Variants in IL21R observed in about 807,000 individuals in gnomAD.
The protein encoded by IL21R is interleukin 21 receptor, also known as interleukin-21 receptor.
A neutral mutation model predicts 41.3 loss-of-function variants in IL21R; 14 were observed. The observed-to-expected ratio is 0.34, with a 90% confidence interval of 0.22 to 0.53. The LOEUF (loss-of-function observed/expected upper bound fraction) is 0.53. Among genes scored for constraint, IL21R ranks in the 20% least tolerant of loss-of-function variants. IL21R has a pLI of 0.94. For missense variants in IL21R, 588 were observed against 681.6 expected (o/e 0.86, Z 1.53); for synonymous variants, 286 against 287.6 (o/e 0.99, Z 0.05).
chr16:27,418,577 A>G (rs12923847), intron 1 of IL21R, among the ~76,000 whole-genome samples: 13,582 of 151,994 alleles, frequency 0.089, 1,196 homozygotes, highest in African/African-American at 0.23. Context: ...TCACCATGTT[A>G]GCCAGGATAG....
chr16:27,418,640 G>A (rs1011804085), intron 1 of IL21R, among the ~76,000 whole-genome samples: 1 of 152,162 alleles, frequency 6.6e-6, no homozygotes, highest in Non-Finnish European at 1.5e-5. Context: ...AAAGTGCTGG[G>A]ATTACAGGCA....
chr16:27,419,890 CTTT>C (rs369538447), intron 1 of IL21R, among the ~76,000 whole-genome samples: 3 of 134,408 alleles, frequency 2.2e-5, no homozygotes, highest in African/African-American at 2.7e-5. Flanking sequence ...TATATGCTAT[CTTT>C]TTTTTTTTTT....
Position 27,449,082 on chromosome 16 carries a change from G to C in IL21R, c.1416G>C (p.Gly472=). 6.2e-7 allele frequency: 1 copy of C among 1,613,394 alleles called. No homozygotes were observed. Among genetic ancestry groups the C allele is most frequent in the South Asian group, 1.1e-5 (1 of 91,068 alleles). The stretch of plus-strand genomic sequence containing the variant: ...CCTGGGGTGGCCGGTCACCTGGAGG[G>C]GTCTCAGAGAGTGAGGCGGGCTCAC... ...GLPWGGRSPG[G]VSESEAGSPL... is the part of the protein sequence containing the mutation. Residue 472 remains glycine, a synonymous_variant, in exon 9 of 9, where the codon GGG becomes GGC. Coordinates refer to ENST00000337929, the MANE Select transcript of IL21R (RefSeq NM_181078.3).
At chr16:27,421,349 A>AG (rs1265831415) in intron 1 of IL21R, among the ~76,000 whole-genome samples, 1 of 151,408 alleles carries the variant, frequency 6.6e-6, no homozygotes, top group Non-Finnish European at 1.5e-5. Context: ...AAAAAAAAAA[A>AG]AAAAAAAAAG....
At chr16:27,427,021 C>T (rs1450896339) in intron 1 of IL21R, among the ~76,000 whole-genome samples, 1 of 152,114 alleles carries the variant, frequency 6.6e-6, no homozygotes, top group Non-Finnish European at 1.5e-5. Flanking sequence ...TTCAAGGAGG[C>T]TGTCTCTAAG....
chr16:27,426,685 T>G (rs1279926562), intron 1 of IL21R, among the ~76,000 whole-genome samples: 2 of 152,254 alleles, frequency 1.3e-5, no homozygotes, highest in Non-Finnish European at 2.9e-5. Flanking sequence ...TCACAGCCTC[T>G]TCTTCACTGC....
intron 1 of IL21R, among the ~76,000 whole-genome samples, chr16:27,406,324 A>G (rs179772): frequency 0.83 from 125,425 of 151,818 alleles, 52,560 homozygotes; most frequent in East Asian, 0.99. Context: ...AGGCTGAGAG[A>G]TTGCAAGGTT....
At chr16:27,406,009 G>A (rs1186193887) in intron 1 of IL21R, among the ~76,000 whole-genome samples, 1 of 152,274 alleles carries the variant, frequency 6.6e-6, no homozygotes, top group Non-Finnish European at 1.5e-5. Context: ...CCAGGCCCCT[G>A]CCATCCCCCA....
intron 2 of IL21R, among the ~76,000 whole-genome samples, chr16:27,431,424 G>A (rs192169873): frequency 6.6e-6 from 1 of 152,290 alleles, no homozygotes; most frequent in African/African-American, 2.4e-5. Context: ...TTTGGCTGAG[G>A]AGGCTCAGAG....
intron 2 of IL21R, 93 bp from the exon 3 acceptor site, chr16:27,434,254 C>T: frequency 1.2e-6 from 1 of 819,422 alleles, no homozygotes; most frequent in Non-Finnish European, 2.1e-6. Flanking sequence ...ACCCCTGCAC[C>T]CATTCTTCCT....
intron 1 of IL21R, among the ~76,000 whole-genome samples, chr16:27,413,486 C>G (rs77037785): frequency 0.044 from 6,635 of 151,546 alleles, 191 homozygotes; most frequent in South Asian, 0.11. Flanking sequence ...GTGTTCCCTA[C>G]TGTTCAATTT....
chr16:27,405,713 C>T (rs1834008378), intron 1 of IL21R, among the ~76,000 whole-genome samples: 1 of 152,090 alleles, frequency 6.6e-6, no homozygotes, highest in Admixed American at 6.5e-5. Flanking sequence ...CCCTGGCTCA[C>T]AGGTGCCACC....
Position 27,448,686 on chromosome 16 carries a change from G to C in IL21R, c.1020G>C (p.Leu340=). Residue 340 remains leucine, a synonymous_variant, in exon 9 of 9, where the codon CTG becomes CTC. Coordinates refer to ENST00000337929, the MANE Select transcript of IL21R (RefSeq NM_181078.3). ...CGGAGCTACAAGAACCAGCAGAGCT[G>C]GTGGAGTCTGACGGTGTGCCCAAGC... ...QLTELQEPAE[L]VESDGVPKPS... The C allele has an allele frequency of 6.2e-7, 1 of 1,613,224 alleles. No homozygotes were observed. The highest frequency in any genetic ancestry group is 1.1e-5 in the South Asian group (1 of 91,086).
intron 5 of IL21R, among the ~76,000 whole-genome samples, chr16:27,443,749 C>T (rs1183740351): frequency 6.6e-6 from 1 of 151,146 alleles, no homozygotes; most frequent in Non-Finnish European, 1.5e-5. Context: ...CGCTACTGCA[C>T]TCTAGCCTGG....
chr16:27,430,096 T>C lies in IL21R; in HGVS notation c.25T>C (p.Leu9=), dbSNP rs753535916. 1 of 1,605,342 alleles carries C rather than the reference T, an allele frequency of 6.2e-7. No homozygotes were observed. The highest frequency in any genetic ancestry group is 8.5e-7 in the Non-Finnish European group (1 of 1,179,800). The change falls in exon 2 of 9, where the codon TTG becomes CTG. Residue 9 remains leucine, a synonymous_variant. Coordinates refer to ENST00000337929, the MANE Select transcript of IL21R (RefSeq NM_181078.3). MPRGWAAP[L]LLLLLQGGWG... is the part of the protein sequence containing the mutation. ...CATGCCGCGTGGCTGGGCCGCCCCC[T>C]TGCTCCTGCTGCTGCTCCAGGGAGG...
At chr16:27,405,233 A>T (rs1317400445) in intron 1 of IL21R, among the ~76,000 whole-genome samples, 1 of 151,940 alleles carries the variant, frequency 6.6e-6, no homozygotes, top group Non-Finnish European at 1.5e-5. Flanking sequence ...GGGTTTCACC[A>T]TGTTGGCCAG....
In IL21R at chr16:27,448,626, C is replaced by T. The variant is rs754546878; in HGVS notation, c.960C>T (p.His320=). 1 of 1,613,112 alleles carries T rather than the reference C, an allele frequency of 6.2e-7. No individual in the cohort carries two copies. Among genetic ancestry groups the T allele is most frequent in the East Asian group, 2.2e-5 (1 of 44,880 alleles). The part of the protein sequence containing the change: ...VPSTLEVYSC[H]PPRSPAKRLQ... Reference sequence around the variant, plus strand: ...CCACCCTGGAGGTGTACAGCTGCCACCCACCACGGAGCCCGGCCAAGAGGC... The same window carrying T: ...CCACCCTGGAGGTGTACAGCTGCCATCCACCACGGAGCCCGGCCAAGAGGC... Residue 320 remains histidine, a synonymous_variant, in exon 9 of 9, where the codon CAC becomes CAT. Transcript: ENST00000337929.
chr16:27,449,045 C>G lies in IL21R; in HGVS notation c.1379C>G (p.Ala460Gly). 6.2e-7 allele frequency: 1 copy of G among 1,612,170 alleles called. No homozygotes were observed. The highest frequency in any genetic ancestry group is 1.1e-5 in the South Asian group (1 of 91,006). ...KPPLADGEDW[A>G]GGLPWGGRSP... is the part of the protein sequence containing the mutation. ...CCCCTTGCAGATGGGGAGGACTGGG[C>G]TGGGGGACTGCCCTGGGGTGGCCGG... Residue 460 changes from alanine (A) to glycine (G), a missense_variant, in exon 9 of 9, where the codon GCT becomes GGT. Coordinates refer to ENST00000337929, the MANE Select transcript of IL21R (RefSeq NM_181078.3).
At chr16:27,432,219 T>G (rs1478001910) in intron 2 of IL21R, among the ~76,000 whole-genome samples, 1 of 152,218 alleles carries the variant, frequency 6.6e-6, no homozygotes, top group African/African-American at 2.4e-5. Flanking sequence ...TGTGGAGTGA[T>G]AGCCATGTGC....
Sources: allele counts gnomAD v4.1 joint callset (sites outside exome capture counted in the v4.1 genomes callset), GRCh38; gene constraint gnomAD v4.1.1; transcripts MANE v1.5; gene names NCBI Gene and HGNC (gene_info 2026-07-23, HGNC 2026-07-21).